Variants in SPON1 observed in about 807,000 individuals in gnomAD.
SPON1 encodes spondin-1.
A neutral mutation model predicts 111.7 loss-of-function variants in SPON1; 52 were observed. That is an observed-to-expected ratio of 0.47 (90% CI 0.37 to 0.59). SPON1 has a LOEUF of 0.59. Among genes scored for constraint, SPON1 ranks in the 20% least tolerant of loss-of-function variants. The pLI, the probability that SPON1 is intolerant of heterozygous loss-of-function variation, is 0.00. For synonymous variants in SPON1, 410 were observed against 395.8 expected, an observed-to-expected ratio of 1.04 and a Z score of -0.43; for missense variants, 957 against 1,068.5, an observed-to-expected ratio of 0.90 and a Z score of 1.46.
intron 3 of SPON1, among the ~76,000 whole-genome samples, chr11:14,073,086 T>C (rs1450818334): frequency 1.3e-5 from 2 of 152,168 alleles, no homozygotes; most frequent in Admixed American, 1.3e-4. Context: ...AAACACAAAA[T>C]TCATGCACGT....
intron 2 of SPON1, among the ~76,000 whole-genome samples, chr11:13,986,605 G>A (rs1213919666): frequency 1.3e-5 from 2 of 150,432 alleles, no homozygotes; most frequent in Non-Finnish European, 3.0e-5. Flanking sequence ...TAAGTTCTGG[G>A]GTACGTGTGC....
At chr11:14,013,368 T>TA (rs1392767917) in intron 2 of SPON1, among the ~76,000 whole-genome samples, 2 of 152,168 alleles carry the variant, frequency 1.3e-5, no homozygotes, top group African/African-American at 4.8e-5. Flanking sequence ...GGTTTTGGAA[T>TA]AAAAAAATCT....
intron 5 of SPON1, among the ~76,000 whole-genome samples, chr11:14,106,878 C>T (rs1554924987): frequency 1.3e-5 from 2 of 152,104 alleles, no homozygotes; most frequent in African/African-American, 4.8e-5. Context: ...CTTCCTGAGT[C>T]TGTGCATATT....
intron 5 of SPON1, among the ~76,000 whole-genome samples, chr11:14,121,873 A>G (rs1463889019): frequency 1.3e-5 from 2 of 151,210 alleles, no homozygotes; most frequent in African/African-American, 4.9e-5. Context: ...TGCAAGACAC[A>G]GAATTCTAGG....
intron 15 of SPON1, among the ~76,000 whole-genome samples, chr11:14,264,186 C>T (rs1333550449): frequency 6.6e-6 from 1 of 152,082 alleles, no homozygotes; most frequent in Non-Finnish European, 1.5e-5. Flanking sequence ...GGCAGGAAAC[C>T]AGGCTGGGAA....
intron 6 of SPON1, among the ~76,000 whole-genome samples, chr11:14,229,265 T>C (rs1288367198): frequency 6.6e-6 from 1 of 152,216 alleles, no homozygotes; most frequent in Non-Finnish European, 1.5e-5. Flanking sequence ...GATACCTTTA[T>C]ACGAGTGAAC....
intron 5 of SPON1, among the ~76,000 whole-genome samples, chr11:14,129,458 C>T (rs76945883): frequency 6.6e-6 from 1 of 152,002 alleles, no homozygotes; most frequent in African/African-American, 2.4e-5. Context: ...CGTTTACTCC[C>T]GTTCCCAAGA....
At chr11:14,076,823 C>T (rs1402506197) in intron 4 of SPON1, among the ~76,000 whole-genome samples, 22 of 152,208 alleles carry the variant, frequency 1.4e-4, no homozygotes, top group African/African-American at 5.3e-4. Context: ...GATCATACCT[C>T]CCAGAGGGGC....
chr11:14,119,823 G>T (rs1418472514), intron 5 of SPON1, among the ~76,000 whole-genome samples: 1 of 152,116 alleles, frequency 6.6e-6, no homozygotes, highest in African/African-American at 2.4e-5. Context: ...ATATTTAGCA[G>T]TACACAAACG....
rs139035454 is a variant in SPON1, at chr11:14,226,337, C to G, written c.826-16995C>G. 7.9e-3 allele frequency among the ~76,000 whole-genome samples: 1,210 copies of G among 152,312 alleles called. 14 individuals carry two copies. Among genetic ancestry groups the G allele is most frequent in the African/African-American group, 0.027 (1,135 of 41,570 alleles). On this transcript the variant is annotated intron_variant, in intron 6 of 15. Coordinates refer to ENST00000576479, the MANE Select transcript of SPON1 (RefSeq NM_006108.4). ...GAACCCACTGGAAGCTGAAAATATC[C>G]TAAGTGGAAAACTGACATTTTTTAA...
At chr11:14,196,179 G>C (rs1848399204) in intron 6 of SPON1, among the ~76,000 whole-genome samples, 1 of 152,138 alleles carries the variant, frequency 6.6e-6, no homozygotes, top group South Asian at 2.1e-4. Flanking sequence ...AGCTTCTCAG[G>C]GGGAGAGAAG....
At chr11:13,996,947 A>G (rs569706896) in intron 2 of SPON1, among the ~76,000 whole-genome samples, 2 of 152,260 alleles carry the variant, frequency 1.3e-5, no homozygotes, top group South Asian at 4.2e-4. Flanking sequence ...AGGTGGTTCT[A>G]ATTTTCTTTT....
intron 6 of SPON1, among the ~76,000 whole-genome samples, chr11:14,160,007 A>G (rs1343273464): frequency 2.0e-5 from 3 of 151,946 alleles, no homozygotes; most frequent in Non-Finnish European, 2.9e-5. Flanking sequence ...GTCAATAATA[A>G]CTTAATTGTA....
intron 3 of SPON1, among the ~76,000 whole-genome samples, chr11:14,066,246 A>C (rs565217096): frequency 1.3e-5 from 2 of 152,344 alleles, no homozygotes; most frequent in African/African-American, 4.8e-5. Flanking sequence ...TATTAAGAGA[A>C]AAGATTTTTT....
At chr11:14,107,396 G>A (rs1376654065) in intron 5 of SPON1, among the ~76,000 whole-genome samples, 2 of 152,070 alleles carry the variant, frequency 1.3e-5, no homozygotes, top group East Asian at 3.9e-4. Flanking sequence ...CTGTACATCT[G>A]TCCGGCTGTC....
chr11:14,205,556 G>A (rs1554936104), intron 6 of SPON1, among the ~76,000 whole-genome samples: 2 of 152,096 alleles, frequency 1.3e-5, no homozygotes, highest in African/African-American at 2.4e-5. Context: ...TGTTTAGGTC[G>A]GAGTTTTATT....
chr11:13,996,544 C>A (rs1433402690), intron 2 of SPON1, among the ~76,000 whole-genome samples: 1 of 152,146 alleles, frequency 6.6e-6, no homozygotes, highest in Non-Finnish European at 1.5e-5. Context: ...TCACTCCTCT[C>A]AACAGAGCAC....
At chr11:14,072,929 C>A (rs1448189471) in intron 3 of SPON1, among the ~76,000 whole-genome samples, 1 of 152,154 alleles carries the variant, frequency 6.6e-6, no homozygotes, top group Non-Finnish European at 1.5e-5. Flanking sequence ...TGGCCCTACC[C>A]ATCTTCCCAG....
At chr11:14,174,105 T>C (rs1477030792) in intron 6 of SPON1, among the ~76,000 whole-genome samples, 1 of 152,154 alleles carries the variant, frequency 6.6e-6, no homozygotes, top group Non-Finnish European at 1.5e-5. Flanking sequence ...TTCCCCAAAA[T>C]TAAGGGTGCC....
Sources: allele counts gnomAD v4.1 joint callset (sites outside exome capture counted in the v4.1 genomes callset), GRCh38; gene constraint gnomAD v4.1.1; transcripts MANE v1.5; gene names NCBI Gene and HGNC (gene_info 2026-07-23, HGNC 2026-07-21).